Variants in PAK1 observed in about 807,000 individuals in gnomAD.
PAK1 encodes serine/threonine-protein kinase PAK 1.
Under a neutral mutation model 67.4 loss-of-function variants are expected in PAK1, and 29 were observed. The ratio of observed to expected loss-of-function variants is 0.43; its 90% CI spans 0.32 to 0.59. The LOEUF (loss-of-function observed/expected upper bound fraction) is 0.59. Ranked by LOEUF, PAK1 falls within the 20% of genes least tolerant of loss-of-function variation. PAK1 has a pLI of 0.07. For synonymous variants in PAK1, 223 were observed against 237.4 expected (o/e 0.94, Z 0.56); for missense variants, 337 against 670.7 (o/e 0.50, Z 5.50).
intron 1 of PAK1, among the ~76,000 whole-genome samples, chr11:77,397,765 T>C (rs1409766446): frequency 2.0e-5 from 3 of 152,216 alleles, no homozygotes; most frequent in Non-Finnish European, 4.4e-5. Context: ...TATTTTAAGA[T>C]GCACATAACA....
the PAK1 span, among the ~76,000 whole-genome samples, chr11:77,514,104 T>C: frequency 2.0e-5 from 3 of 152,226 alleles, no homozygotes; most frequent in Non-Finnish European, 2.9e-5. Context: ...TTCCAGAGCC[T>C]GCTCCATGTG....
chr11:77,373,562 TA>T (rs34413403), intron 5 of PAK1, among the ~76,000 whole-genome samples: 4,661 of 120,736 alleles, frequency 0.039, 100 homozygotes, highest in African/African-American at 0.074. Context: ...CTCGTCTCTT[TA>T]AAAAAAAAAA....
At chr11:77,324,808 A>C (rs112420693) in intron 14 of PAK1, among the ~76,000 whole-genome samples, 1 of 136,492 alleles carries the variant, frequency 7.3e-6, no homozygotes, top group Non-Finnish European at 1.5e-5. Context: ...GAGAGAGAGA[A>C]AGAGAAAGAG....
At chr11:77,415,707 G>T (rs1954908744) in intron 1 of PAK1, among the ~76,000 whole-genome samples, 1 of 152,008 alleles carries the variant, frequency 6.6e-6, no homozygotes, top group Non-Finnish European at 1.5e-5. Context: ...TGAGTGAGAG[G>T]TAAGTGAATG....
intron 1 of PAK1, among the ~76,000 whole-genome samples, chr11:77,459,939 G>A (rs1314395794): frequency 2.6e-5 from 4 of 151,872 alleles, no homozygotes; most frequent in African/African-American, 7.2e-5. Context: ...CTCGTGATCC[G>A]CCTGCCTAGG....
the PAK1 span, chr11:77,529,810 C>G: frequency 2.6e-5 from 4 of 152,220 alleles, no homozygotes; most frequent in Non-Finnish European, 4.4e-5. Flanking sequence ...AAAGAATAGG[C>G]CTTTTCAGAG....
intron 6 of PAK1, among the ~76,000 whole-genome samples, chr11:77,357,198 G>A (rs2136544608): frequency 1.3e-5 from 2 of 152,164 alleles, no homozygotes; most frequent in South Asian, 4.2e-4. Context: ...GGCAACAGTG[G>A]GACTCAAACC....
At chr11:77,393,447 A>C (rs1363421082) in intron 1 of PAK1, among the ~76,000 whole-genome samples, 1 of 152,032 alleles carries the variant, frequency 6.6e-6, no homozygotes, top group African/African-American at 2.4e-5. Flanking sequence ...GGCATGCGCC[A>C]CCATGCCCAT....
Position 77,349,302 on chromosome 11 carries a change from G to C in PAK1, c.837-15C>G, listed in dbSNP as rs1944900024. ...TGCCTGAAGCACTGAACAGTAAGGT[G>C]GCGGAGAAAGAGGGAAAAAAACACA... On this transcript the variant is annotated splice_polypyrimidine_tract_variant and intron_variant, in intron 8 of 14. Coordinates refer to ENST00000356341, the MANE Select transcript of PAK1 (RefSeq NM_002576.5). 6.3e-7 allele frequency: 1 copy of C among 1,591,334 alleles called. No individual in the cohort carries two copies. The highest frequency in any genetic ancestry group is 1.3e-5 in the African/African-American group (1 of 74,652).
chr11:77,405,674 G>GAGAC (rs1555167120), intron 1 of PAK1, among the ~76,000 whole-genome samples: 2 of 125,892 alleles, frequency 1.6e-5, no homozygotes, highest in African/African-American at 5.4e-5. Flanking sequence ...CAGACAGACA[G>GAGAC]ACACACACAC....
At chr11:77,435,511 T>C (rs78524479) in intron 1 of PAK1, among the ~76,000 whole-genome samples, 2 of 148,418 alleles carry the variant, frequency 1.3e-5, no homozygotes, top group African/African-American at 2.6e-5. Flanking sequence ...TTTTTTTTTT[T>C]GAGACGGAGT....
At chr11:77,339,490 CA>C (rs11331656) in intron 11 of PAK1, among the ~76,000 whole-genome samples, 57,975 of 148,872 alleles carry the variant, frequency 0.39, 11,814 homozygotes, top group African/African-American at 0.53. Flanking sequence ...AGTAGTGGAA[CA>C]AAAAAAAAAG....
the PAK1 span, among the ~76,000 whole-genome samples, chr11:77,490,625 G>T: frequency 7.9e-5 from 12 of 152,356 alleles, no homozygotes; most frequent in East Asian, 2.3e-3. Flanking sequence ...CGTCTGGGAG[G>T]TGTGCCCAAC....
At chr11:77,382,380 C>G (rs773950701) in intron 2 of PAK1, among the ~76,000 whole-genome samples, 1 of 152,160 alleles carries the variant, frequency 6.6e-6, no homozygotes, top group Non-Finnish European at 1.5e-5. Context: ...CCACCTCCAA[C>G]TTTTTGCTTG....
intron 1 of PAK1, among the ~76,000 whole-genome samples, chr11:77,426,832 A>G (rs919588556): frequency 6.9e-6 from 1 of 144,270 alleles, no homozygotes; most frequent in Non-Finnish European, 1.5e-5. Flanking sequence ...AGCAAAAATG[A>G]GCAATCTTTA....
chr11:77,332,687 G>A lies in PAK1; in HGVS notation c.1551+43C>T, dbSNP rs759507154. On this transcript the variant is annotated intron_variant, in intron 14 of 14. Coordinates refer to ENST00000356341, the MANE Select transcript of PAK1 (RefSeq NM_002576.5). ...CATGAAGTAAAAAAGGCCTGGTTTA[G>A]TGATTCCCTGAATTAGGTGCTTCCC... The A allele has an allele frequency of 3.8e-6, 6 of 1,569,916 alleles. No individual in the cohort carries two copies. In the East Asian group the frequency reaches 1.1e-4, roughly 29 times the overall value.
At chr11:77,407,630 A>T (rs1201127895) in intron 1 of PAK1, among the ~76,000 whole-genome samples, 4 of 152,188 alleles carry the variant, frequency 2.6e-5, no homozygotes, top group African/African-American at 4.8e-5. Context: ...CACCAACCCT[A>T]TGAGGTGTTA....
chr11:77,401,235 T>C (rs1952640599), intron 1 of PAK1, among the ~76,000 whole-genome samples: 1 of 152,098 alleles, frequency 6.6e-6, no homozygotes, highest in Non-Finnish European at 1.5e-5. Flanking sequence ...CCAGGAGGTT[T>C]TCTTTGGCAG....
At chr11:77,336,322 T>C in intron 12 of PAK1, 40 bp from the exon 13 acceptor site, 1 of 1,482,924 alleles carries the variant, frequency 6.7e-7, no homozygotes, top group Non-Finnish European at 9.4e-7. Context: ...ACATTTAGGA[T>C]ATACACTCAC....
Sources: gnomAD v4.1 joint callset for allele counts (sites outside exome capture counted in the v4.1 genomes callset) on GRCh38, gnomAD v4.1.1 for gene constraint, MANE v1.5 for transcripts, NCBI Gene and HGNC (gene_info 2026-07-23, HGNC 2026-07-21) for gene names.